Variants in CSNK1G1 observed in about 807,000 individuals in gnomAD.
CSNK1G1 encodes casein kinase I isoform gamma-1.
CSNK1G1 carries 22 observed loss-of-function variants against 59.6 expected under a neutral mutation model. The ratio of observed to expected loss-of-function variants is 0.37; its 90% CI spans 0.26 to 0.53. The LOEUF (loss-of-function observed/expected upper bound fraction) is 0.53, where lower values mean the gene tolerates loss of function less well. CSNK1G1 is among the 20% of genes least tolerant of loss of function. The pLI, the probability that CSNK1G1 is intolerant of heterozygous loss-of-function variation, is 0.89. For synonymous variants in CSNK1G1, 179 were observed against 177.1 expected, an observed-to-expected ratio of 1.01 and a Z score of -0.08; for missense variants, 384 against 519.5, an observed-to-expected ratio of 0.74 and a Z score of 2.54.
intron 2 of CSNK1G1, among the ~76,000 whole-genome samples, chr15:64,282,393 T>C (rs1451871608): frequency 1.3e-5 from 2 of 152,030 alleles, no homozygotes; most frequent in African/African-American, 2.4e-5. Flanking sequence ...GCCACCCAAG[T>C]AGCTGGGATT....
At chr15:64,299,108 C>G (rs8037856) in intron 2 of CSNK1G1, among the ~76,000 whole-genome samples, 2,494 of 152,168 alleles carry the variant, frequency 0.016, 77 homozygotes, top group African/African-American at 0.057. Context: ...CACCACTCCC[C>G]CCAAAGGGCC....
intron 4 of CSNK1G1, among the ~76,000 whole-genome samples, chr15:64,242,589 C>T (rs1255879964): frequency 1.3e-5 from 2 of 152,178 alleles, no homozygotes; most frequent in Non-Finnish European, 2.9e-5. Flanking sequence ...TTTATACAGT[C>T]TCAGGTATTT....
At chr15:64,263,546 T>A (rs563368446) in intron 2 of CSNK1G1, among the ~76,000 whole-genome samples, 1 of 152,324 alleles carries the variant, frequency 6.6e-6, no homozygotes, top group African/African-American at 2.4e-5. Flanking sequence ...CTTTTCACAG[T>A]GCAGTTGACT....
intron 1 of CSNK1G1, among the ~76,000 whole-genome samples, chr15:64,339,096 G>A (rs993878696): frequency 6.6e-6 from 1 of 152,064 alleles, no homozygotes; most frequent in Non-Finnish European, 1.5e-5. Flanking sequence ...GGAGAGAAAA[G>A]GGGCTACAGG....
chr15:64,195,866 A>C (rs747636682), intron 10 of CSNK1G1, among the ~76,000 whole-genome samples: 2 of 152,210 alleles, frequency 1.3e-5, no homozygotes, highest in Non-Finnish European at 2.9e-5. Flanking sequence ...TCTAGCTTTT[A>C]GGAACGTTTA....
At chr15:64,234,617 T>C (rs2082591020) in intron 4 of CSNK1G1, among the ~76,000 whole-genome samples, 1 of 152,238 alleles carries the variant, frequency 6.6e-6, no homozygotes, top group South Asian at 2.1e-4. Context: ...CTCCCTACTT[T>C]AACAATCTCA....
chr15:64,290,817 T>C (rs1202612454), intron 2 of CSNK1G1, among the ~76,000 whole-genome samples: 1 of 152,158 alleles, frequency 6.6e-6, no homozygotes, highest in Non-Finnish European at 1.5e-5. Context: ...AATGGCACGA[T>C]CTCAGCTCAC....
chr15:64,185,458 T>A (rs1166437126), intron 10 of CSNK1G1, among the ~76,000 whole-genome samples: 2 of 152,224 alleles, frequency 1.3e-5, no homozygotes, highest in Non-Finnish European at 2.9e-5. Context: ...TAACTGCCTG[T>A]CCTCTATCTA....
intron 3 of CSNK1G1, among the ~76,000 whole-genome samples, chr15:64,258,810 C>G (rs1240749685): frequency 1.3e-5 from 2 of 151,910 alleles, no homozygotes; most frequent in Non-Finnish European, 2.9e-5. Flanking sequence ...ATTAGATGAT[C>G]AGTTATGATT....
intron 1 of CSNK1G1, among the ~76,000 whole-genome samples, chr15:64,302,578 ATT>A (rs1312740682): frequency 1.3e-5 from 2 of 152,084 alleles, no homozygotes; most frequent in African/African-American, 2.4e-5. Context: ...ATATTTCCTC[ATT>A]GTTTCTCCTA....
intron 2 of CSNK1G1, among the ~76,000 whole-genome samples, chr15:64,271,752 G>C (rs1005769289): frequency 2.0e-5 from 3 of 152,230 alleles, no homozygotes; most frequent in African/African-American, 7.2e-5. Context: ...TTGAAGTGCA[G>C]AGCTCTGTAG....
chr15:64,356,020 G>T lies in CSNK1G1; in HGVS notation c.-257C>A, dbSNP rs915841584. The T allele has an allele frequency of 6.6e-6, 1 of 152,266 alleles. No homozygotes were observed. Among genetic ancestry groups the T allele is most frequent in the African/African-American group, 2.4e-5 (1 of 41,420 alleles). The allele number at this position is 152,266 out of a possible 1,614,324, so 9.4% of individuals were successfully genotyped here. On this transcript the variant is annotated 5_prime_UTR_variant, in exon 1 of 12. Transcript: ENST00000303052. ...AGCAGTGCTGCAAGGCGCAAATGAGGCGGGCGCGGTCCCCTCCCCGAGGCG... is the reference window on the plus strand; with the variant it reads ...AGCAGTGCTGCAAGGCGCAAATGAGTCGGGCGCGGTCCCCTCCCCGAGGCG...
intron 10 of CSNK1G1, among the ~76,000 whole-genome samples, chr15:64,182,436 C>T (rs995998577): frequency 3.9e-5 from 6 of 151,948 alleles, no homozygotes; most frequent in African/African-American, 9.7e-5. Flanking sequence ...AAGATTAAAA[C>T]GGATTAAAAG....
Position 64,356,072 on chromosome 15 carries a change from C to G in CSNK1G1, c.-309G>C, listed in dbSNP as rs1375183333. 3 of 152,166 alleles carry G rather than the reference C, an allele frequency of 2.0e-5. No homozygotes were observed. Among genetic ancestry groups the G allele is most frequent in the Non-Finnish European group, 4.4e-5 (3 of 68,066 alleles). The allele number at this position is 152,166 out of a possible 1,614,324, so 9.4% of individuals were successfully genotyped here. A position where few individuals can be genotyped will look rare whatever the true frequency, so the allele number is the denominator to read the frequency against. On this transcript the variant is annotated 5_prime_UTR_variant, in exon 1 of 12. Coordinates refer to ENST00000303052, the MANE Select transcript of CSNK1G1 (RefSeq NM_022048.5). Reference sequence around the variant, plus strand: ...CAAGTGCTTCTCTACCCACCCGCAGCGGTGGTTTCTCTCTTTCCCAGGAGC... The same window carrying G: ...CAAGTGCTTCTCTACCCACCCGCAGGGGTGGTTTCTCTCTTTCCCAGGAGC...
At position 64,336,875 on chromosome 15, in the gene CSNK1G1, CTTT is replaced by C. The variant is rs145569557; in HGVS notation, c.-225+19110_-225+19112del. On this transcript the variant is annotated intron_variant, in intron 1 of 11. Transcript: ENST00000303052. ...ATATTTTATAAATATTCACATATGT[CTTT>C]TTAACGTATTATTTACTTTTTTCTG... Among the ~76,000 whole-genome samples the C allele has an allele frequency of 8.3e-3, 1,266 of 152,176 alleles. 16 individuals are homozygous for C. The highest frequency in any genetic ancestry group is 0.029 in the African/African-American group (1,210 of 41,516).
At chr15:64,190,549 G>T (rs1024627552) in intron 10 of CSNK1G1, among the ~76,000 whole-genome samples, 1 of 152,152 alleles carries the variant, frequency 6.6e-6, no homozygotes, top group African/African-American at 2.4e-5. Context: ...CAAGTAGCTG[G>T]GATTACAGGC....
intron 2 of CSNK1G1, among the ~76,000 whole-genome samples, chr15:64,297,262 A>T (rs1338764042): frequency 6.6e-6 from 1 of 152,056 alleles, no homozygotes; most frequent in African/African-American, 2.4e-5. Flanking sequence ...TGCTATTTTA[A>T]ATGAGAATGA....
At chr15:64,314,151 G>A (rs1443635039) in intron 1 of CSNK1G1, among the ~76,000 whole-genome samples, 1 of 152,152 alleles carries the variant, frequency 6.6e-6, no homozygotes, top group African/African-American at 2.4e-5. Context: ...TGTAGCCCAG[G>A]CTGGAGTGTA....
intron 1 of CSNK1G1, among the ~76,000 whole-genome samples, chr15:64,348,673 G>T (rs1301490596): frequency 5.3e-5 from 8 of 152,114 alleles, no homozygotes; most frequent in Admixed American, 1.3e-4. Flanking sequence ...AAATGGAAAA[G>T]AATTCCAGCT....
Sources: allele counts gnomAD v4.1 joint callset (sites outside exome capture counted in the v4.1 genomes callset), GRCh38; gene constraint gnomAD v4.1.1; transcripts MANE v1.5; gene names NCBI Gene and HGNC (gene_info 2026-07-23, HGNC 2026-07-21).